Variants in RP1 observed in about 807,000 individuals in gnomAD.
RP1 encodes oxygen-regulated protein 1.
A neutral mutation model predicts 14.8 loss-of-function variants in RP1; 16 were observed. The ratio of observed to expected loss-of-function variants is 1.08; its 90% CI spans 0.73 to 1.65. RP1 has a LOEUF of 1.65. Ranked by LOEUF, RP1 falls within the 40% of genes most tolerant of loss-of-function variation. RP1 has a pLI of 0.00. For missense variants in RP1, 2,631 were observed against 2,535.0 expected (o/e 1.04, Z -0.81); for synonymous variants, 876 against 883.6 (o/e 0.99, Z 0.15).
At chr8:54,841,250 T>C (rs967585880) in intron 25 of RP1, among the ~76,000 whole-genome samples, 1 of 152,194 alleles carries the variant, frequency 6.6e-6, no homozygotes, top group African/African-American at 2.4e-5. Context: ...TATTTTGGGA[T>C]TGTCTGTCCC....
At chr8:54,756,949 T>C (rs1307367698) in intron 21 of RP1, among the ~76,000 whole-genome samples, 1 of 152,164 alleles carries the variant, frequency 6.6e-6, no homozygotes, top group African/African-American at 2.4e-5. Flanking sequence ...GAAATTAAAA[T>C]TGGGTAGGAG....
At chr8:54,717,112 C>T (rs953118741) in intron 15 of RP1, among the ~76,000 whole-genome samples, 1 of 152,120 alleles carries the variant, frequency 6.6e-6, no homozygotes, top group Non-Finnish European at 1.5e-5. Context: ...ATCATTTAAA[C>T]TCTCAGGTGT....
At chr8:54,713,474 AC>A (rs1224431239) in intron 15 of RP1, among the ~76,000 whole-genome samples, 2 of 152,222 alleles carry the variant, frequency 1.3e-5, no homozygotes, top group East Asian at 3.8e-4. Flanking sequence ...AGATATGCAC[AC>A]AGACATACCC....
intron 24 of RP1, among the ~76,000 whole-genome samples, chr8:54,816,010 T>C (rs13271519): frequency 1.6e-3 from 240 of 152,336 alleles, no homozygotes; most frequent in Non-Finnish European, 1.9e-3. Context: ...TACAGATCTC[T>C]TACCTACTAG....
intron 23 of RP1, among the ~76,000 whole-genome samples, chr8:54,780,742 T>C (rs530255230): frequency 3.9e-5 from 6 of 152,320 alleles, no homozygotes; most frequent in Non-Finnish European, 5.9e-5. Context: ...ACAGAAATAC[T>C]ACACCATTGT....
intron 25 of RP1, among the ~76,000 whole-genome samples, chr8:54,848,908 C>A (rs929946750): frequency 6.6e-6 from 1 of 152,116 alleles, no homozygotes; most frequent in African/African-American, 2.4e-5. Flanking sequence ...GCCACCACGC[C>A]CTGCGAATTT....
chr8:54,756,055 A>G (rs1809498417), intron 21 of RP1, among the ~76,000 whole-genome samples: 1 of 152,230 alleles, frequency 6.6e-6, no homozygotes, highest in South Asian at 2.1e-4. Flanking sequence ...GACAAGGAAA[A>G]TATTTATGAA....
rs187116292 is a variant in RP1 at position 54,860,599 on chromosome 8, G to C, written c.4069+3493G>C. Among the ~76,000 whole-genome samples, 442 of 152,282 alleles carry C rather than the reference G, an allele frequency of 2.9e-3. 1 individual carries two copies. The highest frequency in any genetic ancestry group is 0.01 in the African/African-American group (419 of 41,574). On this transcript the variant is annotated intron_variant, in intron 27 of 28. Transcript: ENST00000637698. ...CAGAGGTATATGTGCTTTTCTGTTT[G>C]TCTCTTGCAACACAAGCACCTCCAG...
At chr8:54,603,252 A>G (rs1187802128) in intron 1 of RP1, among the ~76,000 whole-genome samples, 20 of 152,010 alleles carry the variant, frequency 1.3e-4, no homozygotes, top group Non-Finnish European at 2.6e-4. Context: ...AGCTTTCTAC[A>G]TATGGCTAGC....
At chr8:54,859,601 G>A (rs1235707530) in intron 27 of RP1, among the ~76,000 whole-genome samples, 1 of 152,010 alleles carries the variant, frequency 6.6e-6, no homozygotes, top group African/African-American at 2.4e-5. Flanking sequence ...TGGTGTCACT[G>A]TAGAGGGGTG....
chr8:54,603,722 G>A (rs1289513344), intron 1 of RP1, among the ~76,000 whole-genome samples: 1 of 152,060 alleles, frequency 6.6e-6, no homozygotes, highest in East Asian at 1.9e-4. Context: ...ATTGAGCAGT[G>A]GTTTGTAGTT....
chr8:54,841,020 C>A (rs753447375), intron 25 of RP1, among the ~76,000 whole-genome samples: 8 of 152,058 alleles, frequency 5.3e-5, no homozygotes, highest in Non-Finnish European at 7.4e-5. Context: ...AAATAACACC[C>A]CAATATTCAG....
chr8:54,612,114 A>G (rs943947388), upstream of RP1, among the ~76,000 whole-genome samples: 96 of 151,824 alleles, frequency 6.3e-4, no homozygotes, highest in African/African-American at 2.1e-3. Context: ...AGTTCCTAAA[A>G]TGGGGTAGAT....
rs1252597105 is a variant in RP1, at chr8:54,819,252, G to A, written c.3616-18198G>A. Among the ~76,000 whole-genome samples, 5 of 151,836 alleles carry A rather than the reference G, an allele frequency of 3.3e-5. No individual in the cohort carries two copies. In the East Asian group the frequency reaches 9.7e-4, roughly 30 times the overall value. ...ATCAGTTCAGCTGTTGAGAGACTCTGATGCATTTTTCAGTATGCCACTTGC... is the reference window on the plus strand; with the variant it reads ...ATCAGTTCAGCTGTTGAGAGACTCTAATGCATTTTTCAGTATGCCACTTGC... On this transcript the variant is annotated intron_variant, in intron 24 of 28. Transcript: ENST00000637698.
rs146602158 is a variant in RP1 at position 54,862,321 on chromosome 8, C to T, written c.4070-3514C>T. Among the ~76,000 whole-genome samples, 400 of 152,280 alleles carry T rather than the reference C, an allele frequency of 2.6e-3. 1 individual carries two copies. The highest frequency in any genetic ancestry group is 9.1e-3 in the African/African-American group (377 of 41,552). On this transcript the variant is annotated intron_variant, in intron 27 of 28. Coordinates refer to the RP1 transcript ENST00000637698. Reference sequence around the variant, plus strand: ...TATTACGTCATATGCTCGCCAACACCTGGTACACTTAATTTTTGCCTTTAC... The same window carrying T: ...TATTACGTCATATGCTCGCCAACACTTGGTACACTTAATTTTTGCCTTTAC...
rs186767020 is a variant in RP1 at position 54,674,803 on chromosome 8, A to C, written c.1402+875A>C. Among the ~76,000 whole-genome samples, 53 of 152,308 alleles carry C rather than the reference A, an allele frequency of 3.5e-4. 1 individual carries two copies. In the East Asian group the frequency reaches 0.01, roughly 29 times the overall value. On this transcript the variant is annotated intron_variant, in intron 8 of 22. Coordinates refer to the RP1 transcript ENST00000636932. ...TATAGACAATACAAATATACTTTTG[A>C]GGTTGTCTTCTCTCTTGGACAAAAT... is the stretch of plus-strand genomic sequence containing the variant.
rs771490480 is a variant in RP1, at chr8:54,838,511, ATATG to A, written c.3835+848_3835+851del. On this transcript the variant is annotated intron_variant, in intron 25 of 28. Coordinates refer to the RP1 transcript ENST00000637698. ...TGAGTGTATGTGCATGAATGCTTATATATGTATGTGCGTGACAGAATGTATGCAT... is the reference window on the plus strand; with the variant it reads ...TGAGTGTATGTGCATGAATGCTTATATATGTGCGTGACAGAATGTATGCAT... Among the ~76,000 whole-genome samples, 85 of 152,272 alleles carry A rather than the reference ATATG, an allele frequency of 5.6e-4. 1 individual carries two copies. Among genetic ancestry groups the A allele is most frequent in the Admixed American group, 7.2e-4 (11 of 15,296 alleles).
intron 1 of RP1, among the ~76,000 whole-genome samples, chr8:54,610,638 C>T (rs1805568949): frequency 6.6e-6 from 1 of 152,176 alleles, no homozygotes; most frequent in Non-Finnish European, 1.5e-5. Context: ...GAATAATTAG[C>T]AACTCCATTC....
At chr8:54,692,029 G>A (rs920986148) in intron 12 of RP1, among the ~76,000 whole-genome samples, 11 of 151,546 alleles carry the variant, frequency 7.3e-5, no homozygotes, top group Middle Eastern at 3.4e-3. Context: ...ATGTGTTCTC[G>A]TTGTTCAATT....
Sources: allele counts gnomAD v4.1 joint callset (sites outside exome capture counted in the v4.1 genomes callset), GRCh38; gene constraint gnomAD v4.1.1; transcripts MANE v1.5; gene names NCBI Gene and HGNC (gene_info 2026-07-23, HGNC 2026-07-21).